CDH13: variants seen among roughly 807,000 people sequenced by gnomAD.
CDH13 encodes cadherin-13.
A neutral mutation model predicts 63.8 loss-of-function variants in CDH13; 24 were observed. The ratio of observed to expected loss-of-function variants is 0.38; its 90% CI spans 0.27 to 0.53. The LOEUF (loss-of-function observed/expected upper bound fraction) is 0.53, where lower values mean the gene tolerates loss of function less well. Among genes scored for constraint, CDH13 ranks in the 20% least tolerant of loss-of-function variants. The pLI is 0.85. For synonymous variants in CDH13, 503 were observed against 355.3 expected, an observed-to-expected ratio of 1.42 and a Z score of -4.67; for missense variants, 1,049 against 903.1, an observed-to-expected ratio of 1.16 and a Z score of -2.07.
At chr16:82,732,963 C>G (rs772225542) in intron 1 of CDH13, among the ~76,000 whole-genome samples, 3 of 152,142 alleles carry the variant, frequency 2.0e-5, no homozygotes, top group Non-Finnish European at 4.4e-5. Flanking sequence ...GGAGTTGAAG[C>G]TGTGTCAGGC....
chr16:83,102,476 G>A (rs888799557), intron 3 of CDH13, among the ~76,000 whole-genome samples: 4 of 152,120 alleles, frequency 2.6e-5, no homozygotes, highest in African/African-American at 7.2e-5. Context: ...TGAGTCAGGG[G>A]AGCTTGCAGT....
chr16:83,265,231 C>T (rs989050168), intron 5 of CDH13, among the ~76,000 whole-genome samples: 4 of 152,106 alleles, frequency 2.6e-5, no homozygotes, highest in African/African-American at 9.7e-5. Flanking sequence ...CCCTGACTGG[C>T]CATCAAACTG....
At chr16:82,913,580 C>G (rs1007915283) in intron 2 of CDH13, among the ~76,000 whole-genome samples, 1 of 152,122 alleles carries the variant, frequency 6.6e-6, no homozygotes, top group Non-Finnish European at 1.5e-5. Context: ...TTTGGGGAAA[C>G]AGCCTAAGGT....
intron 10 of CDH13, among the ~76,000 whole-genome samples, chr16:83,715,274 T>C (rs117201834): frequency 9.2e-4 from 140 of 152,284 alleles, no homozygotes; most frequent in Non-Finnish European, 1.4e-3. Context: ...CCATCAGAGG[T>C]TAACGTTCCC....
intron 3 of CDH13, among the ~76,000 whole-genome samples, chr16:83,114,149 G>A (rs546385469): frequency 2.6e-5 from 4 of 152,284 alleles, no homozygotes; most frequent in South Asian, 2.1e-4. Flanking sequence ...TATTCATTAC[G>A]TTAGGAATGT....
chr16:82,990,272 T>C (rs1017514286), intron 2 of CDH13: 4 of 152,140 alleles, frequency 2.6e-5, no homozygotes, highest in Admixed American at 6.6e-5. Flanking sequence ...AGAAAAAACA[T>C]GCAAACTGCA....
At chr16:82,813,413 A>G (rs749325147) in intron 1 of CDH13, among the ~76,000 whole-genome samples, 4 of 152,154 alleles carry the variant, frequency 2.6e-5, no homozygotes, top group African/African-American at 4.8e-5. Context: ...ATGACTCTCA[A>G]GATGCAGATA....
chr16:83,480,198 C>A (rs1402900314), intron 6 of CDH13, among the ~76,000 whole-genome samples: 11 of 152,184 alleles, frequency 7.2e-5, no homozygotes, highest in African/African-American at 2.2e-4. Flanking sequence ...CACCTATAGT[C>A]CCAGCTAATT....
intron 2 of CDH13, among the ~76,000 whole-genome samples, chr16:83,015,719 A>G (rs1245803989): frequency 1.6e-5 from 2 of 127,010 alleles, no homozygotes; most frequent in Non-Finnish European, 3.4e-5. Flanking sequence ...ATATATATAT[A>G]TATAAAGAAA....
chr16:83,055,439 A>T (rs993160483), intron 3 of CDH13, among the ~76,000 whole-genome samples: 1 of 151,974 alleles, frequency 6.6e-6, no homozygotes, highest in African/African-American at 2.4e-5. Context: ...AGCACTAGAG[A>T]TCTTTCAAGA....
At chr16:83,700,969 C>G (rs948410507) in intron 10 of CDH13, among the ~76,000 whole-genome samples, 5 of 152,114 alleles carry the variant, frequency 3.3e-5, no homozygotes, top group Non-Finnish European at 5.9e-5. Context: ...CACCCTCTTC[C>G]CCTTCTCAAT....
At chr16:82,632,526 G>A (rs1300263374) in intron 1 of CDH13, among the ~76,000 whole-genome samples, 1 of 152,116 alleles carries the variant, frequency 6.6e-6, no homozygotes, top group Non-Finnish European at 1.5e-5. Flanking sequence ...GCAGCTCTGA[G>A]TCAGTACGAG....
chr16:83,292,611 C>G (rs1488883801), intron 5 of CDH13, among the ~76,000 whole-genome samples: 1 of 152,072 alleles, frequency 6.6e-6, no homozygotes, highest in Non-Finnish European at 1.5e-5. Context: ...AGATGAGGCC[C>G]ATCACACACT....
chr16:83,544,246 T>C (rs2075343692), intron 7 of CDH13, among the ~76,000 whole-genome samples: 1 of 152,090 alleles, frequency 6.6e-6, no homozygotes, highest in African/African-American at 2.4e-5. Flanking sequence ...GGGTGGAGTG[T>C]TAAAGTCCTA....
chr16:83,771,185 A>G (rs905263900), intron 11 of CDH13, among the ~76,000 whole-genome samples: 1 of 152,142 alleles, frequency 6.6e-6, no homozygotes, highest in African/African-American at 2.4e-5. Flanking sequence ...TTTATTAATC[A>G]TATTACCCTG....
intron 1 of CDH13, among the ~76,000 whole-genome samples, chr16:82,761,017 C>CTTTTTTT (rs35038319): frequency 0.017 from 690 of 40,444 alleles, 163 homozygotes; most frequent in Non-Finnish European, 0.025. Flanking sequence ...TTCTTTCTTT[C>CTTTTTTT]TTTTTTTTTT....
At chr16:82,878,196 G>C (rs1403484930) in intron 2 of CDH13, among the ~76,000 whole-genome samples, 1 of 151,914 alleles carries the variant, frequency 6.6e-6, no homozygotes, top group Non-Finnish European at 1.5e-5. Context: ...AGACGAAAAG[G>C]ATCTCAGGGT....
intron 10 of CDH13, among the ~76,000 whole-genome samples, chr16:83,683,239 A>G (rs894965306): frequency 6.6e-5 from 10 of 152,248 alleles, no homozygotes; most frequent in East Asian, 1.9e-4. Flanking sequence ...CAAAATGAAC[A>G]GCAGTGGTCT....
At chr16:83,778,049 GC>G (rs1376548947) in intron 11 of CDH13, among the ~76,000 whole-genome samples, 2 of 152,156 alleles carry the variant, frequency 1.3e-5, no homozygotes, top group Non-Finnish European at 2.9e-5. Flanking sequence ...TGGGAATAAG[GC>G]AAATCTGTAT....
Sources: allele counts gnomAD v4.1 joint callset (sites outside exome capture counted in the v4.1 genomes callset), GRCh38; gene constraint gnomAD v4.1.1; transcripts MANE v1.5; gene names NCBI Gene and HGNC (gene_info 2026-07-23, HGNC 2026-07-21).